Variants in MTREX observed in about 807,000 individuals in gnomAD.
MTREX encodes Mtr4 exosome RNA helicase.
A neutral mutation model predicts 135.4 loss-of-function variants in MTREX; 76 were observed. The ratio of observed to expected loss-of-function variants is 0.56; its 90% CI spans 0.47 to 0.68. MTREX has a LOEUF of 0.68. Ranked by LOEUF, MTREX falls within the 30% of genes least tolerant of loss-of-function variation. The pLI is 0.00. For missense variants in MTREX, 920 were observed against 1,262.1 expected (o/e 0.73, Z 4.11); for synonymous variants, 404 against 401.6 (o/e 1.01, Z -0.07).
At chr5:55,348,264 CTT>C (rs1246347144) in intron 11 of MTREX, among the ~76,000 whole-genome samples, 1 of 152,106 alleles carries the variant, frequency 6.6e-6, no homozygotes, top group Admixed American at 6.5e-5. Context: ...CTGAACTCAT[CTT>C]TTTATCAGGA....
Position 55,414,098 on chromosome 5 carries a change from C to CT in MTREX, c.2752-81dup. ...ATTTGATATGTGACTATCTTACAAG[C>CT]TTTAATTTGTTAAAACGGGTAGTGT... On this transcript the variant is annotated intron_variant, in intron 23 of 26. Transcript: ENST00000230640. 4.3e-6 allele frequency: 4 copies of CT among 941,082 alleles called. No individual in the cohort carries two copies. The South Asian group carries it at 5.6e-5, about 13-fold the overall frequency. 58.3% of individuals were successfully genotyped at this position (941,082 alleles called of 1,614,324 possible).
chr5:55,415,357 G>C (rs1212870631), intron 24 of MTREX, among the ~76,000 whole-genome samples: 1 of 151,978 alleles, frequency 6.6e-6, no homozygotes, highest in Non-Finnish European at 1.5e-5. Flanking sequence ...TAAAATAAAA[G>C]TTAAAATATT....
chr5:55,394,719 G>A (rs1750621306), intron 19 of MTREX, among the ~76,000 whole-genome samples: 2 of 152,082 alleles, frequency 1.3e-5, no homozygotes, highest in African/African-American at 4.8e-5. Context: ...GAATTAGCCA[G>A]TTTGGAAGTA....
intron 8 of MTREX, among the ~76,000 whole-genome samples, chr5:55,344,217 T>G (rs937493981): frequency 3.9e-5 from 6 of 152,172 alleles, no homozygotes; most frequent in Non-Finnish European, 8.8e-5. Flanking sequence ...ACCTCCTCTA[T>G]AGAAAAATAA....
intron 25 of MTREX, among the ~76,000 whole-genome samples, chr5:55,417,822 A>G (rs1021506132): frequency 6.6e-6 from 1 of 152,248 alleles, no homozygotes; most frequent in African/African-American, 2.4e-5. Context: ...TCATATTTGT[A>G]TAATATCTGC....
chr5:55,383,381 T>G (rs1193781760), intron 18 of MTREX, among the ~76,000 whole-genome samples: 3 of 152,182 alleles, frequency 2.0e-5, no homozygotes, highest in African/African-American at 4.8e-5. Flanking sequence ...TTCTCAGTTT[T>G]TAGTCTATCT....
At chr5:55,369,145 AATAAAG>A (rs1372237234) in intron 16 of MTREX, among the ~76,000 whole-genome samples, 1 of 151,902 alleles carries the variant, frequency 6.6e-6, no homozygotes, top group Non-Finnish European at 1.5e-5. Flanking sequence ...AAATAAAAAT[AATAAAG>A]ATGAACAAGG....
chr5:55,357,764 C>T (rs1425560280), intron 14 of MTREX, among the ~76,000 whole-genome samples: 1 of 152,148 alleles, frequency 6.6e-6, no homozygotes, highest in Non-Finnish European at 1.5e-5. Flanking sequence ...CAGAAGAGTA[C>T]ACATGCACTT....
At chr5:55,349,385 C>T (rs1461774853) in intron 11 of MTREX, among the ~76,000 whole-genome samples, 188 bp from the exon 12 acceptor site, 2 of 151,968 alleles carry the variant, frequency 1.3e-5, no homozygotes, top group East Asian at 1.9e-4. Flanking sequence ...GACAGGGCTT[C>T]GCCATGTTGC....
chr5:55,410,101 GTTC>G (rs566548479), intron 22 of MTREX, among the ~76,000 whole-genome samples: 61 of 152,140 alleles, frequency 4.0e-4, no homozygotes, highest in East Asian at 2.3e-3. Flanking sequence ...AAAAAATGTG[GTTC>G]TTCTTATGAG....
intron 16 of MTREX, among the ~76,000 whole-genome samples, chr5:55,367,138 G>C (rs984389786): frequency 6.6e-6 from 1 of 152,114 alleles, no homozygotes; most frequent in African/African-American, 2.4e-5. Context: ...TATAACTCAT[G>C]GTCCTGAATA....
intron 16 of MTREX, among the ~76,000 whole-genome samples, chr5:55,367,667 A>G (rs762094037): frequency 6.6e-6 from 1 of 152,232 alleles, no homozygotes; most frequent in Non-Finnish European, 1.5e-5. Flanking sequence ...CTAAAGCACA[A>G]AAAGTAAATG....
chr5:55,421,923 CTT>C (rs1751061290), intron 25 of MTREX, among the ~76,000 whole-genome samples: 1 of 152,184 alleles, frequency 6.6e-6, no homozygotes, highest in African/African-American at 2.4e-5. Context: ...TACCCTCTCT[CTT>C]GACACCCAGA....
intron 25 of MTREX, among the ~76,000 whole-genome samples, chr5:55,421,101 G>A (rs542095159): frequency 2.6e-5 from 4 of 152,156 alleles, no homozygotes; most frequent in South Asian, 2.1e-4. Flanking sequence ...GTTTTGTTTC[G>A]GTTTTGGTCA....
Position 55,379,182 on chromosome 5 carries a change from A to G in MTREX, c.2039A>G (p.Lys680Arg). 1 of 1,593,136 alleles carries G rather than the reference A, an allele frequency of 6.3e-7. No homozygotes were observed. Among genetic ancestry groups the G allele is most frequent in the Non-Finnish European group, 8.6e-7 (1 of 1,162,744 alleles). The change falls in exon 18 of 27, where the codon AAG (lysine) becomes AGG (arginine). Residue 680 changes from lysine (K) to arginine (R), a missense_variant. Coordinates refer to ENST00000230640, the MANE Select transcript of MTREX (RefSeq NM_015360.5). ...GGAGTAGTGGTGAATTTCTCAAAAAAGTCAAATGTTAAGGTAAACTATTAT... is the reference window on the plus strand; with the variant it reads ...GGAGTAGTGGTGAATTTCTCAAAAAGGTCAAATGTTAAGGTAAACTATTAT... ...GWGVVVNFSK[K>R]SNVKPNSGEL...
intron 25 of MTREX, among the ~76,000 whole-genome samples, chr5:55,418,929 C>T (rs565816842): frequency 5.1e-4 from 77 of 152,252 alleles, no homozygotes; most frequent in African/African-American, 1.8e-3. Context: ...CTGCACCCTC[C>T]ATCTCCCGGG....
chr5:55,414,406 C>T (rs567659170), intron 24 of MTREX, among the ~76,000 whole-genome samples, 168 bp downstream of exon 24: 3 of 152,154 alleles, frequency 2.0e-5, no homozygotes, highest in Admixed American at 2.0e-4. Context: ...ACTCTGATAA[C>T]ATCTCTTGTG....
At chr5:55,381,308 C>CT (rs1000025009) in intron 18 of MTREX, among the ~76,000 whole-genome samples, 4 of 151,636 alleles carry the variant, frequency 2.6e-5, no homozygotes, top group Admixed American at 2.6e-4. Flanking sequence ...GTTTACTGTT[C>CT]TTTTTTCAAC....
intron 14 of MTREX, among the ~76,000 whole-genome samples, chr5:55,354,082 A>G (rs1181402523): frequency 6.6e-6 from 1 of 152,234 alleles, no homozygotes; most frequent in African/African-American, 2.4e-5. Context: ...CAAGTACTCC[A>G]TTTAGTAAAC....
Sources: allele counts gnomAD v4.1 joint callset (sites outside exome capture counted in the v4.1 genomes callset), GRCh38; gene constraint gnomAD v4.1.1; transcripts MANE v1.5; gene names NCBI Gene and HGNC (gene_info 2026-07-23, HGNC 2026-07-21).